Variants in NCAM2 observed in about 807,000 individuals in gnomAD.
NCAM2 encodes the protein neural cell adhesion molecule 2, also known as N-CAM-2.
In NCAM2, 30 loss-of-function variants were observed where a neutral mutation model predicts 98.1. The observed-to-expected ratio is 0.31, with a 90% CI of 0.23 to 0.41. The LOEUF (loss-of-function observed/expected upper bound fraction) is 0.41. NCAM2 is among the 10% of genes least tolerant of loss of function. NCAM2 has a pLI of 1.00. For synonymous variants in NCAM2, 368 were observed against 342.4 expected, an observed-to-expected ratio of 1.07 and a Z score of -0.83; for missense variants, 867 against 1,005.8, an observed-to-expected ratio of 0.86 and a Z score of 1.87.
intron 1 of NCAM2, among the ~76,000 whole-genome samples, chr21:21,027,123 G>A (rs928853579): frequency 6.6e-6 from 1 of 152,042 alleles, no homozygotes; most frequent in African/African-American, 2.4e-5. Flanking sequence ...CTCCCAAAGT[G>A]CTGGGATTAC....
chr21:21,395,676 T>G (rs1156928878), intron 9 of NCAM2, among the ~76,000 whole-genome samples: 1 of 152,074 alleles, frequency 6.6e-6, no homozygotes, highest in African/African-American at 2.4e-5. Flanking sequence ...CACAGTCCAA[T>G]GGAACAAAAT....
At chr21:21,170,215 C>T (rs2146838747) in intron 1 of NCAM2, among the ~76,000 whole-genome samples, 1 of 152,226 alleles carries the variant, frequency 6.6e-6, no homozygotes, top group South Asian at 2.1e-4. Context: ...CAAAACTAAG[C>T]ATATTCTTAA....
intron 1 of NCAM2, among the ~76,000 whole-genome samples, chr21:21,057,264 G>A (rs1419960493): frequency 6.6e-6 from 1 of 152,106 alleles, no homozygotes; most frequent in Non-Finnish European, 1.5e-5. Context: ...AGAGTGTTGA[G>A]AAGAAGGAGG....
intron 9 of NCAM2, among the ~76,000 whole-genome samples, chr21:21,376,394 A>T (rs1461000234): frequency 6.6e-6 from 1 of 151,870 alleles, no homozygotes; most frequent in African/African-American, 2.4e-5. Context: ...TAATGGACAC[A>T]AAGATGAATA....
chr21:21,382,496 A>G (rs2408077), intron 9 of NCAM2, among the ~76,000 whole-genome samples: 149,745 of 149,748 alleles, frequency 1, 74,871 homozygotes, highest in Middle Eastern at 1. Context: ...CAATAGTGAA[A>G]GTTTTTGTTT....
rs1281852236 is a variant in NCAM2 at position 21,293,592 on chromosome 21, G to A, written c.619+1351G>A. ...TATTAAGGGTGCCATAATCAGTGGA[G>A]TAGTTAACCTTCAGTGCGGGAGGAA... is the stretch of plus-strand genomic sequence containing the variant. On this transcript the variant is annotated intron_variant, in intron 5 of 17. Transcript: ENST00000400546. Among the ~76,000 whole-genome samples the A allele has an allele frequency of 5.3e-5, 8 of 151,932 alleles. No homozygotes were observed. The South Asian group carries it at 1.7e-3, about 31-fold the overall frequency.
At chr21:21,317,076 A>G (rs905303464) in intron 5 of NCAM2, among the ~76,000 whole-genome samples, 1 of 152,172 alleles carries the variant, frequency 6.6e-6, no homozygotes, top group Admixed American at 6.5e-5. Flanking sequence ...ACAAGACACC[A>G]AGCCCACAGC....
At chr21:21,307,875 G>T (rs1355971448) in intron 5 of NCAM2, among the ~76,000 whole-genome samples, 1 of 152,008 alleles carries the variant, frequency 6.6e-6, no homozygotes, top group Admixed American at 6.6e-5. Flanking sequence ...GATGAAAAGG[G>T]GATCATGTGA....
At chr21:21,071,077 C>T (rs978675127) in intron 1 of NCAM2, among the ~76,000 whole-genome samples, 1 of 152,134 alleles carries the variant, frequency 6.6e-6, no homozygotes, top group Non-Finnish European at 1.5e-5. Flanking sequence ...TGATTACAAA[C>T]ACATAATCAA....
intron 1 of NCAM2, among the ~76,000 whole-genome samples, chr21:21,117,109 C>T (rs2066579038): frequency 1.3e-5 from 2 of 152,150 alleles, no homozygotes; most frequent in African/African-American, 4.8e-5. Context: ...TAATGAGCAT[C>T]ACAATCAAAT....
chr21:21,432,709 T>G (rs1474851696), intron 12 of NCAM2, among the ~76,000 whole-genome samples: 1 of 152,156 alleles, frequency 6.6e-6, no homozygotes, highest in African/African-American at 2.4e-5. Context: ...CTGTAGAATT[T>G]TATATATTTG....
chr21:21,143,288 G>GT (rs565631963), intron 1 of NCAM2, among the ~76,000 whole-genome samples: 90 of 152,222 alleles, frequency 5.9e-4, no homozygotes, highest in African/African-American at 2.1e-3. Context: ...TATGAAGTGT[G>GT]TGTCAACGCA....
At position 21,542,348 on chromosome 21, in the gene NCAM2, T is replaced by G. The variant is rs1217337646; in HGVS notation, c.*4391T>G. 1 of 151,674 alleles carries G rather than the reference T, an allele frequency of 6.6e-6. No homozygotes were observed. Among genetic ancestry groups the G allele is most frequent in the Non-Finnish European group, 1.5e-5 (1 of 67,788 alleles). 9.4% of individuals were successfully genotyped at this position (151,674 alleles called of 1,614,324 possible). On this transcript the variant is annotated 3_prime_UTR_variant, in exon 18 of 18. Coordinates refer to ENST00000400546, the MANE Select transcript of NCAM2 (RefSeq NM_004540.5). ...TTATATTATATATAATGCTAAATAT[T>G]TATTTGATAACACAATATTCTTAGA...
At chr21:21,438,150 T>C (rs1978669838) in intron 12 of NCAM2, among the ~76,000 whole-genome samples, 1 of 152,142 alleles carries the variant, frequency 6.6e-6, no homozygotes, top group Non-Finnish European at 1.5e-5. Context: ...TATTCTAATT[T>C]ATGTGAGTTT....
At chr21:21,003,731 A>G (rs892007713) in intron 1 of NCAM2, among the ~76,000 whole-genome samples, 1 of 152,190 alleles carries the variant, frequency 6.6e-6, no homozygotes, top group African/African-American at 2.4e-5. Flanking sequence ...GACAGAGATT[A>G]CTTAAGTTAT....
intron 1 of NCAM2, among the ~76,000 whole-genome samples, chr21:21,060,356 G>A (rs1389428203): frequency 6.6e-6 from 1 of 152,028 alleles, no homozygotes; most frequent in Non-Finnish European, 1.5e-5. Context: ...AAGCATATCT[G>A]TGTATGGGTT....
intron 9 of NCAM2, among the ~76,000 whole-genome samples, chr21:21,399,508 A>G (rs559472712): frequency 4.9e-4 from 75 of 152,378 alleles, no homozygotes; most frequent in Middle Eastern, 3.4e-3. Context: ...AATCTACAAT[A>G]CAATCATAAT....
chr21:21,214,934 T>C (rs529761768), intron 1 of NCAM2, among the ~76,000 whole-genome samples: 5 of 151,784 alleles, frequency 3.3e-5, no homozygotes, highest in African/African-American at 1.2e-4. Context: ...AACTCTGATA[T>C]AATTAATTTT....
At chr21:21,464,739 T>A (rs1983451772) in intron 12 of NCAM2, among the ~76,000 whole-genome samples, 1 of 152,152 alleles carries the variant, frequency 6.6e-6, no homozygotes, top group South Asian at 2.1e-4. Flanking sequence ...AACAACTCTT[T>A]ATCTATGCAC....
Sources: gnomAD v4.1 joint callset for allele counts (sites outside exome capture counted in the v4.1 genomes callset) on GRCh38, gnomAD v4.1.1 for gene constraint, MANE v1.5 for transcripts, NCBI Gene and HGNC (gene_info 2026-07-23, HGNC 2026-07-21) for gene names.